Variants in WDFY4 observed in about 807,000 individuals in gnomAD.
WDFY4 encodes the protein WD repeat- and FYVE domain-containing protein 4.
In WDFY4, 169 loss-of-function variants were observed where a neutral mutation model predicts 351.9. The ratio of observed to expected loss-of-function variants is 0.48; its 90% CI spans 0.42 to 0.55. The LOEUF is 0.55. Ranked by LOEUF, WDFY4 falls within the 20% of genes least tolerant of loss-of-function variation. The pLI, the probability that WDFY4 is intolerant of heterozygous loss-of-function variation, is 0.00. For synonymous variants in WDFY4, 1,622 were observed against 1,574.6 expected (o/e 1.03, Z -0.71); for missense variants, 3,803 against 3,935.6 (o/e 0.97, Z 0.90).
intron 57 of WDFY4, among the ~76,000 whole-genome samples, chr10:48,971,483 GA>G (rs1842334256): frequency 6.7e-6 from 1 of 150,086 alleles, no homozygotes; most frequent in African/African-American, 2.5e-5. Flanking sequence ...GTGACAGAGC[GA>G]GACTCTGTCT....
intron 2 of WDFY4, among the ~76,000 whole-genome samples, chr10:48,711,750 C>G (rs1032918858): frequency 1.3e-5 from 2 of 152,284 alleles, no homozygotes; most frequent in South Asian, 4.1e-4. Context: ...CCAGAGCAGA[C>G]GGCATCGAAT....
At chr10:48,765,814 C>T (rs561319644) in intron 13 of WDFY4, among the ~76,000 whole-genome samples, 139 of 152,258 alleles carry the variant, frequency 9.1e-4, no homozygotes, top group African/African-American at 2.9e-3. Flanking sequence ...CTGCATCTCA[C>T]GTTATTTTTG....
chr10:48,866,661 T>C (rs551495581), intron 39 of WDFY4, among the ~76,000 whole-genome samples: 1 of 152,324 alleles, frequency 6.6e-6, no homozygotes. Flanking sequence ...GAGCAGATTG[T>C]TCAAATCTAG....
chr10:48,720,654 A>T (rs984945423), intron 3 of WDFY4, among the ~76,000 whole-genome samples: 13 of 151,702 alleles, frequency 8.6e-5, no homozygotes, highest in African/African-American at 3.1e-4. Flanking sequence ...TGCAACACAG[A>T]CACACACACA....
intron 2 of WDFY4, among the ~76,000 whole-genome samples, chr10:48,712,422 G>T (rs752687686): frequency 6.6e-6 from 1 of 152,188 alleles, no homozygotes; most frequent in African/African-American, 2.4e-5. Flanking sequence ...GACACAATCT[G>T]CTACTCTGGA....
rs754298041 is a variant in WDFY4 at position 48,811,625 on chromosome 10, C to G, written c.5131C>G (p.His1711Asp). The change falls in exon 30 of 62, where the codon CAC (histidine) becomes GAC (aspartate). Residue 1711 changes from histidine to aspartate, a missense_variant. By Grantham distance (81) the His-to-Asp change is moderately conservative (BLOSUM62 -1). Transcript: ENST00000325239. ...TGTCTTGAATGACTTTCTGGCCCAC[C>G]ACGTCCACATTCCAGAGGTCTACCT... ...FRVLNDFLAH[H>D]VHIPEVYLIV... 1.3e-6 allele frequency: 2 copies of G among 1,551,960 alleles called. No individual in the cohort carries two copies. Among genetic ancestry groups the G allele is most frequent in the South Asian group, 1.2e-5 (1 of 84,060 alleles).
chr10:48,698,509 C>G (rs1385683610), intron 1 of WDFY4, among the ~76,000 whole-genome samples: 2 of 152,172 alleles, frequency 1.3e-5, no homozygotes, highest in Non-Finnish European at 2.9e-5. Context: ...GGCCTTCACC[C>G]CACTTCTGGC....
At chr10:48,836,136 C>T (rs1199892426) in intron 39 of WDFY4, among the ~76,000 whole-genome samples, 1 of 152,228 alleles carries the variant, frequency 6.6e-6, no homozygotes, top group Non-Finnish European at 1.5e-5. Context: ...AGGATAAGAG[C>T]ATCAACTATT....
In WDFY4 at chr10:48,873,697, G is replaced by C. The variant is rs1211876116; in HGVS notation, c.6948G>C (p.Lys2316Asn). ...AGGCCCTGAGCTCAGGAAGGCACAA[G>C]GTAGGAGTCAGGCGCAGTGGGACAG... ...PLEALSSGRHKESQDKNDHIS... is the reference protein window; with the variant it reads ...PLEALSSGRHNESQDKNDHIS... Residue 2316 changes from lysine (K) to asparagine (N), a missense_variant and splice_region_variant, in exon 41 of 62, where the codon AAG becomes AAC. Physicochemically the swap from Lys to Asn is moderately conservative, Grantham distance 94 (BLOSUM62 0). Transcript: ENST00000325239. 1 of 1,551,668 alleles carries C rather than the reference G, an allele frequency of 6.4e-7. No individual in the cohort carries two copies.
chr10:48,824,942 A>G (rs115498877), intron 35 of WDFY4, among the ~76,000 whole-genome samples: 2,300 of 152,264 alleles, frequency 0.015, 67 homozygotes, highest in African/African-American at 0.051. Context: ...CACCATACCC[A>G]GCCATGTCAC....
chr10:48,912,792 T>C (rs1022741205), intron 47 of WDFY4, among the ~76,000 whole-genome samples: 9 of 152,260 alleles, frequency 5.9e-5, no homozygotes, highest in African/African-American at 1.2e-4. Context: ...AGAAAGCTCA[T>C]AGAGCAAGTT....
chr10:48,808,444 T>TA (rs796136146), intron 28 of WDFY4, among the ~76,000 whole-genome samples: 10 of 152,372 alleles, frequency 6.6e-5, no homozygotes, highest in African/African-American at 2.4e-4. Flanking sequence ...AGTGTAATCA[T>TA]AAAGCTGATT....
intron 58 of WDFY4, 134 bp downstream of exon 58, chr10:48,975,175 C>T: frequency 8.3e-7 from 1 of 1,205,704 alleles, no homozygotes; most frequent in South Asian, 1.3e-5. Flanking sequence ...TTGTGTGGAA[C>T]AGTCGCTGTA....
chr10:48,764,122 C>T lies in WDFY4; in HGVS notation c.2553+3682C>T, dbSNP rs1040265956. On this transcript the variant is annotated intron_variant, in intron 13 of 61. Transcript: ENST00000325239. ...ACCCGCTTTACACTATTCACTTGCT[C>T]TCTCTCCTCTATGGATGAGAAACTG... Among the ~76,000 whole-genome samples, 7 of 152,356 alleles carry T rather than the reference C, an allele frequency of 4.6e-5. No homozygotes were observed. In the East Asian group the frequency reaches 1.3e-3, roughly 29 times the overall value.
At position 48,943,383 on chromosome 10, in the gene WDFY4, G is replaced by A; in HGVS notation, c.7683G>A (p.Gly2561=). ...TCATGTACCTCAACACCGCGGCTGG[G>A]AGAACCTGCAATGACTACATGCAGT... ...EYLMYLNTAA[G]RTCNDYMQYP... Residue 2561 remains glycine, a synonymous_variant, in exon 49 of 62, where the codon GGG becomes GGA. Coordinates refer to ENST00000325239, the MANE Select transcript of WDFY4 (RefSeq NM_001394531.1). 1 of 1,551,822 alleles carries A rather than the reference G, an allele frequency of 6.4e-7. No individual in the cohort carries two copies. The highest frequency in any genetic ancestry group is 8.7e-7 in the Non-Finnish European group (1 of 1,147,006).
chr10:48,828,682 T>G, intron 36 of WDFY4, 96 bp from the exon 37 acceptor site: 1 of 710,052 alleles, frequency 1.4e-6, no homozygotes, highest in Non-Finnish European at 2.2e-6. Context: ...ATATAGATAA[T>G]TATTGGAGGA....
chr10:48,735,750 T>G, intron 10 of WDFY4, 130 bp from the exon 11 acceptor site: 2 of 932,560 alleles, frequency 2.1e-6, no homozygotes, highest in Non-Finnish European at 3.1e-6. Context: ...AATCTACCAG[T>G]GAGCAAAAGA....
chr10:48,894,252 C>A (rs1836959849), intron 44 of WDFY4, among the ~76,000 whole-genome samples: 1 of 152,186 alleles, frequency 6.6e-6, no homozygotes, highest in African/African-American at 2.4e-5. Context: ...AGCATTCTTC[C>A]ATATGTCATC....
chr10:48,944,535 G>A (rs1423641180), intron 49 of WDFY4, among the ~76,000 whole-genome samples: 1 of 152,238 alleles, frequency 6.6e-6, no homozygotes, highest in Non-Finnish European at 1.5e-5. Flanking sequence ...CACTTGTTCA[G>A]ATGAGCCTGG....
Sources: allele counts gnomAD v4.1 joint callset (sites outside exome capture counted in the v4.1 genomes callset), GRCh38; gene constraint gnomAD v4.1.1; transcripts MANE v1.5; gene names NCBI Gene and HGNC (gene_info 2026-07-23, HGNC 2026-07-21).